Variants in TECPR2 observed in about 807,000 individuals in gnomAD.
The protein encoded by TECPR2 is tectonin beta-propeller repeat containing 2, also known as tectonin beta-propeller repeat-containing protein 2.
A neutral mutation model predicts 138.1 loss-of-function variants in TECPR2; 65 were observed. The ratio of observed to expected loss-of-function variants is 0.47; its 90% CI spans 0.39 to 0.58. The LOEUF is 0.58. Ranked by LOEUF, TECPR2 falls within the 20% of genes least tolerant of loss-of-function variation. The pLI is 0.00. For synonymous variants in TECPR2, 746 were observed against 749.8 expected, an observed-to-expected ratio of 0.99 and a Z score of 0.08; for missense variants, 1,553 against 1,824.5, an observed-to-expected ratio of 0.85 and a Z score of 2.71.
At chr14:102,449,895 A>G (rs750536587) in intron 14 of TECPR2, 26 bp downstream of exon 14, 10 of 1,608,480 alleles carry the variant, frequency 6.2e-6, no homozygotes. Context: ...TAATTTTCAC[A>G]CTGGCTTTAT....
Position 102,450,968 on chromosome 14 carries a change from C to T in TECPR2, c.3406+319C>T, listed in dbSNP as rs539644933. ...CAGTGGCACATGGCAGGGGCCACAG[C>T]TTCTTTGGGCACCTTCCCATCTCCC... On this transcript the variant is annotated intron_variant, in intron 15 of 19. Coordinates refer to ENST00000359520, the MANE Select transcript of TECPR2 (RefSeq NM_014844.5). 2.6e-5 allele frequency among the ~76,000 whole-genome samples: 4 copies of T among 152,354 alleles called. No homozygotes were observed. In the East Asian group the frequency reaches 7.7e-4, roughly 29 times the overall value.
intron 17 of TECPR2, among the ~76,000 whole-genome samples, chr14:102,476,206 C>CAAAAAAAA (rs58293049): frequency 8.4e-5 from 5 of 59,678 alleles, no homozygotes; most frequent in African/African-American, 2.9e-4. Context: ...GACTCTGTCT[C>CAAAAAAAA]AAAAAAAAAA....
rs1262810136 is a variant in TECPR2, at chr14:102,498,375, T to G, written c.*118T>G. On this transcript the variant is annotated 3_prime_UTR_variant, in exon 20 of 20. Coordinates refer to ENST00000359520, the MANE Select transcript of TECPR2 (RefSeq NM_014844.5). ...ACTTGTCCAGACACCTCTGGCCAGG[T>G]TGGACCCGCACACTTACTTTCATCT... is the stretch of plus-strand genomic sequence containing the variant. The G allele has an allele frequency of 1.6e-6, 2 of 1,262,038 alleles. No individual in the cohort carries two copies. Among genetic ancestry groups the G allele is most frequent in the Admixed American group, 5.3e-5 (2 of 37,512 alleles). The allele number at this position is 1,262,038 out of a possible 1,614,324, so 78.2% of individuals were successfully genotyped here.
chr14:102,498,138 C>T lies in TECPR2; in HGVS notation c.4117C>T (p.Pro1373Ser), dbSNP rs757175250. The change falls in exon 20 of 20, where the codon CCC (proline) becomes TCC (serine). Residue 1373 changes from proline to serine, a missense_variant. Pro to Ser is a moderately conservative substitution (Grantham distance 74). Transcript: ENST00000359520. Reference protein sequence around the residue: ...ASDELWAVGPPGYLLQRLTKT... With the variant: ...ASDELWAVGPSGYLLQRLTKT... The stretch of plus-strand genomic sequence containing the variant: ...AGATGAGCTGTGGGCTGTGGGCCCG[C>T]CCGGCTACCTCCTCCAACGGCTGAC... 2.5e-6 allele frequency: 4 copies of T among 1,613,492 alleles called. No individual in the cohort carries two copies. The highest frequency in any genetic ancestry group is 3.4e-6 in the Non-Finnish European group (4 of 1,179,986).
intron 17 of TECPR2, among the ~76,000 whole-genome samples, chr14:102,488,639 C>T (rs890234897): frequency 1.3e-5 from 2 of 151,744 alleles, no homozygotes; most frequent in Non-Finnish European, 2.9e-5. Context: ...CCACTGCACC[C>T]GGCCTAATTG....
Position 102,498,299 on chromosome 14 carries a change from G to T in TECPR2, c.*42G>T. On this transcript the variant is annotated 3_prime_UTR_variant, in exon 20 of 20. Coordinates refer to ENST00000359520, the MANE Select transcript of TECPR2 (RefSeq NM_014844.5). ...TCACGCGGAGGGGCCCGGCGTCTGT[G>T]GCGGGCACAGGGGCTTCAGAGTGAC... 1 of 1,568,730 alleles carries T rather than the reference G, an allele frequency of 6.4e-7. No homozygotes were observed. The highest frequency in any genetic ancestry group is 8.6e-7 in the Non-Finnish European group (1 of 1,165,372).
intron 5 of TECPR2, among the ~76,000 whole-genome samples, chr14:102,417,733 G>A (rs1194723915): frequency 1.3e-5 from 2 of 148,854 alleles, no homozygotes; most frequent in African/African-American, 5.2e-5. Flanking sequence ...GCTGACACGG[G>A]AGTCCAGGGG....
At position 102,412,368 on chromosome 14, in the gene TECPR2, A is replaced by G. The variant is rs1888902856; in HGVS notation, c.481-2268A>G. Among the ~76,000 whole-genome samples the G allele has an allele frequency of 4.6e-5, 7 of 152,286 alleles. No homozygotes were observed. In the South Asian group the frequency reaches 1.5e-3, roughly 32 times the overall value. The stretch of plus-strand genomic sequence containing the variant: ...GGCTGGTCTTGAACATCTGGGCTCA[A>G]GCAATCTGCTCACCACAGTCTTCCA... On this transcript the variant is annotated intron_variant, in intron 4 of 19. Coordinates refer to ENST00000359520, the MANE Select transcript of TECPR2 (RefSeq NM_014844.5).
At chr14:102,438,248 G>C (rs555491825) in intron 10 of TECPR2, 43 bp downstream of exon 10, 1 of 1,564,424 alleles carries the variant, frequency 6.4e-7, no homozygotes, top group Non-Finnish European at 8.6e-7. Flanking sequence ...GCTCCCGCTC[G>C]CCGCTCCTGC....
intron 2 of TECPR2, among the ~76,000 whole-genome samples, chr14:102,385,807 G>GTA (rs1162988109): frequency 6.6e-6 from 1 of 151,918 alleles, no homozygotes; most frequent in Non-Finnish European, 1.5e-5. Context: ...GTGATGGCGT[G>GTA]TACCTGTAGT....
intron 4 of TECPR2, among the ~76,000 whole-genome samples, chr14:102,413,246 A>C (rs1888930203): frequency 1.3e-5 from 2 of 152,082 alleles, no homozygotes; most frequent in South Asian, 4.1e-4. Context: ...AAATCTGATC[A>C]CTGCCCCCTA....
In TECPR2 at chr14:102,408,521, A is replaced by T; in HGVS notation, c.382A>T (p.Asn128Tyr). 1 of 1,610,666 alleles carries T rather than the reference A, an allele frequency of 6.2e-7. No homozygotes were observed. The highest frequency in any genetic ancestry group is 8.5e-7 in the Non-Finnish European group (1 of 1,179,182). The change falls in exon 4 of 20, where the codon AAT becomes TAT. Residue 128 changes from asparagine (N) to tyrosine (Y), a missense_variant. Asn to Tyr is a moderately radical substitution (Grantham distance 143, BLOSUM62 -2). Coordinates refer to ENST00000359520, the MANE Select transcript of TECPR2 (RefSeq NM_014844.5). Reference sequence around the variant, plus strand: ...ATTTGATGTCACTGGTATTCACAAAAATAGCATTACAGCTCTGGCTTGGAG... The same window carrying T: ...ATTTGATGTCACTGGTATTCACAAATATAGCATTACAGCTCTGGCTTGGAG... ...RRFDVTGIHKNSITALAWSPN... is the reference protein window; with the variant it reads ...RRFDVTGIHKYSITALAWSPN...
chr14:102,382,060 G>C (rs545306022), intron 2 of TECPR2, among the ~76,000 whole-genome samples: 10 of 152,302 alleles, frequency 6.6e-5, no homozygotes, highest in African/African-American at 1.9e-4. Flanking sequence ...TTGGGAGGCC[G>C]AGGCGGGTGG....
intron 2 of TECPR2, among the ~76,000 whole-genome samples, chr14:102,383,023 G>A (rs1887881562): frequency 6.6e-6 from 1 of 152,192 alleles, no homozygotes; most frequent in Admixed American, 6.5e-5. Flanking sequence ...CTCCCAAAGT[G>A]CTGGGATGAC....
At chr14:102,457,347 A>G (rs569880326) in intron 16 of TECPR2, among the ~76,000 whole-genome samples, 6 of 152,230 alleles carry the variant, frequency 3.9e-5, no homozygotes, top group African/African-American at 1.4e-4. Context: ...GGCCTCCCAA[A>G]GTGCTGGGAT....
At chr14:102,436,645 C>T (rs562982784) in intron 9 of TECPR2, among the ~76,000 whole-genome samples, 5 of 152,268 alleles carry the variant, frequency 3.3e-5, no homozygotes, top group Non-Finnish European at 5.9e-5. Flanking sequence ...TTCAGTCATC[C>T]GGCATTTATC....
chr14:102,365,369 G>A (rs947961399), intron 1 of TECPR2, among the ~76,000 whole-genome samples: 3 of 152,216 alleles, frequency 2.0e-5, no homozygotes, highest in Non-Finnish European at 2.9e-5. Context: ...GCTTCCTGGT[G>A]GCGGAGGACT....
intron 5 of TECPR2, among the ~76,000 whole-genome samples, chr14:102,422,253 T>C (rs1362016096): frequency 6.6e-6 from 1 of 152,000 alleles, no homozygotes; most frequent in Non-Finnish European, 1.5e-5. Context: ...AACAAGAAAA[T>C]GAATAAATGA....
chr14:102,426,194 G>GT lies in TECPR2; in HGVS notation c.951+913dup, dbSNP rs34422069. Reference sequence around the variant, plus strand: ...AACCGCCGCGCCCGGCCGCCACTTGGTTTTTTTTTTGTTTTTTGTTTTTTA... The same window carrying GT: ...AACCGCCGCGCCCGGCCGCCACTTGGTTTTTTTTTTTGTTTTTTGTTTTTTA... On this transcript the variant is annotated intron_variant, in intron 6 of 19. Transcript: ENST00000359520. 8.6e-3 allele frequency among the ~76,000 whole-genome samples: 1,276 copies of GT among 148,560 alleles called. 10 individuals carry two copies. The highest frequency in any genetic ancestry group is 0.011 in the Non-Finnish European group (728 of 66,830).
Sources: gnomAD v4.1 joint callset for allele counts (sites outside exome capture counted in the v4.1 genomes callset) on GRCh38, gnomAD v4.1.1 for gene constraint, MANE v1.5 for transcripts, NCBI Gene and HGNC (gene_info 2026-07-23, HGNC 2026-07-21) for gene names.